The following ERCC6L2 variants were observed in gnomAD, a reference collection of about 807,000 sequenced individuals.
ERCC6L2 encodes DNA excision repair protein ERCC-6-like 2.
In ERCC6L2, 77 loss-of-function variants were observed where a neutral mutation model predicts 132.0. That is an observed-to-expected ratio of 0.58 (90% CI 0.49 to 0.71). The LOEUF (loss-of-function observed/expected upper bound fraction) is 0.71. Among genes scored for constraint, ERCC6L2 ranks in the 30% least tolerant of loss-of-function variants. The pLI is 0.00. For synonymous variants in ERCC6L2, 583 were observed against 632.4 expected (o/e 0.92, Z 1.17); for missense variants, 1,542 against 1,837.6 (o/e 0.84, Z 2.94).
downstream of ERCC6L2, chr9:96,021,210 C>T: frequency 2.9e-6 from 1 of 350,014 alleles, no homozygotes; most frequent in Non-Finnish European, 5.6e-6. The surrounding 1 kb of genome is among the most constrained non-coding windows in gnomAD (Gnocchi z 4.7). Flanking sequence ...GAAGGGCACC[C>T]GCGGCGGGGC....
intron 6 of ERCC6L2, among the ~76,000 whole-genome samples, chr9:95,919,350 TA>T (rs796365864): frequency 3.3e-5 from 5 of 152,168 alleles, no homozygotes; most frequent in African/African-American, 1.2e-4. Flanking sequence ...ATTTTACAAA[TA>T]AAAAAATGTC....
At chr9:95,973,711 T>C (rs1832537291) in intron 16 of ERCC6L2, among the ~76,000 whole-genome samples, 1 of 152,070 alleles carries the variant, frequency 6.6e-6, no homozygotes, top group Non-Finnish European at 1.5e-5. Flanking sequence ...CCATGACACA[T>C]GGGGATTGTG....
At chr9:95,978,848 G>C (rs1832779000) in intron 17 of ERCC6L2, among the ~76,000 whole-genome samples, 1 of 152,122 alleles carries the variant, frequency 6.6e-6, no homozygotes, top group Non-Finnish European at 1.5e-5. Context: ...ATGGGCAAGA[G>C]TTCAGAATGC....
intron 19 of ERCC6L2, among the ~76,000 whole-genome samples, chr9:96,036,568 T>C (rs1022215184): frequency 6.6e-6 from 1 of 151,976 alleles, no homozygotes; most frequent in Non-Finnish European, 1.5e-5. Flanking sequence ...GGAAGTCTAG[T>C]TTTCATTTCT....
intron 4 of ERCC6L2, among the ~76,000 whole-genome samples, chr9:95,907,661 T>C (rs1029106182): frequency 2.0e-5 from 3 of 152,140 alleles, no homozygotes; most frequent in Admixed American, 6.5e-5. Context: ...TTTCTTACAT[T>C]GAATACAGGA....
At chr9:95,917,578 C>T (rs1415890498) in intron 6 of ERCC6L2, among the ~76,000 whole-genome samples, 1 of 152,186 alleles carries the variant, frequency 6.6e-6, no homozygotes, top group Non-Finnish European at 1.5e-5. Context: ...TGAGATACTT[C>T]ATGAACTCTC....
chr9:95,955,802 T>C, intron 12 of ERCC6L2, 112 bp from the exon 13 acceptor site: 1 of 532,044 alleles, frequency 1.9e-6, no homozygotes, highest in South Asian at 3.0e-5. Flanking sequence ...AAAATGTTTA[T>C]TTTTAAATTA....
At position 95,937,872 on chromosome 9, in the gene ERCC6L2, A is replaced by G. The variant is rs557191595; in HGVS notation, c.1752-3582A>G. Among the ~76,000 whole-genome samples the G allele has an allele frequency of 2.0e-5, 3 of 148,716 alleles. No individual in the cohort carries two copies. In the South Asian group the frequency reaches 6.4e-4, roughly 32 times the overall value. ...GCTTGCTTTTTTTGCTTCTTTTTCT[A>G]GTTTCTTAGGGGGAGGACCTCAGAT... On this transcript the variant is annotated intron_variant, in intron 11 of 18. Transcript: ENST00000653738.
At chr9:95,962,075 C>G (rs1053533554) in intron 13 of ERCC6L2, among the ~76,000 whole-genome samples, 6 of 152,030 alleles carry the variant, frequency 3.9e-5, no homozygotes, top group Admixed American at 3.9e-4. Context: ...ACCGTATCAC[C>G]TACAAACCAA....
At position 95,973,306 on chromosome 9, in the gene ERCC6L2, A is replaced by T. The variant is rs1466012273; in HGVS notation, c.3337+218A>T. 2.0e-5 allele frequency among the ~76,000 whole-genome samples: 3 copies of T among 152,146 alleles called. No individual in the cohort carries two copies. In the East Asian group the frequency reaches 5.8e-4, roughly 29 times the overall value. On this transcript the variant is annotated intron_variant, in intron 16 of 18. Coordinates refer to ENST00000653738, the MANE Select transcript of ERCC6L2 (RefSeq NM_020207.7). ...ACCCCAGGACCCCCTCCATGTGCCCATCTAAATCACAGTTCCTCTGCCCCC... is the reference window on the plus strand; with the variant it reads ...ACCCCAGGACCCCCTCCATGTGCCCTTCTAAATCACAGTTCCTCTGCCCCC...
At chr9:95,881,743 T>A (rs1427617002) in intron 2 of ERCC6L2, among the ~76,000 whole-genome samples, 1 of 152,226 alleles carries the variant, frequency 6.6e-6, no homozygotes, top group Non-Finnish European at 1.5e-5. Flanking sequence ...TCACTAGCAG[T>A]TCTGTTTGTG....
At chr9:95,946,054 G>T (rs1246539428) in intron 12 of ERCC6L2, among the ~76,000 whole-genome samples, 4 of 151,976 alleles carry the variant, frequency 2.6e-5, no homozygotes, top group Non-Finnish European at 5.9e-5. Context: ...AGAATGGATG[G>T]CAATGCTAAT....
chr9:96,014,168 A>G lies in ERCC6L2; in HGVS notation c.*965A>G, dbSNP rs1269092738. The G allele has an allele frequency of 6.6e-6, 1 of 152,226 alleles. No individual in the cohort carries two copies. The highest frequency in any genetic ancestry group is 1.5e-5 in the Non-Finnish European group (1 of 68,050). The allele number at this position is 152,226 out of a possible 1,614,324, so 9.4% of individuals were successfully genotyped here. On this transcript the variant is annotated 3_prime_UTR_variant, in exon 19 of 19. Transcript: ENST00000653738. ...TCATGTCAGTGAAAAATCATGGTGG[A>G]AAGCCCCTGGCATCACATGTGCATG... is the stretch of plus-strand genomic sequence containing the variant.
At chr9:95,919,816 A>C (rs1417417097) in intron 6 of ERCC6L2, among the ~76,000 whole-genome samples, 2 of 152,260 alleles carry the variant, frequency 1.3e-5, no homozygotes, top group African/African-American at 4.8e-5. Context: ...AAGGGTTTCA[A>C]GAGACGGATC....
chr9:95,951,951 C>T (rs1477653684), intron 12 of ERCC6L2, among the ~76,000 whole-genome samples: 3 of 151,710 alleles, frequency 2.0e-5, no homozygotes, highest in Admixed American at 6.6e-5. Flanking sequence ...AGGCGGATCA[C>T]GAGTTCAGGA....
chr9:95,905,858 T>C (rs1006938979), intron 3 of ERCC6L2, among the ~76,000 whole-genome samples: 1 of 152,226 alleles, frequency 6.6e-6, no homozygotes. Context: ...GTATTATTTC[T>C]TGGTTAAACT....
intron 13 of ERCC6L2, among the ~76,000 whole-genome samples, chr9:95,957,629 A>G (rs981529862): frequency 1.3e-5 from 2 of 152,048 alleles, no homozygotes. Flanking sequence ...CATGCGACTC[A>G]TTTAATGAAA....
At chr9:95,925,099 C>T (rs1464808458) in intron 9 of ERCC6L2, among the ~76,000 whole-genome samples, 1 of 152,136 alleles carries the variant, frequency 6.6e-6, no homozygotes, top group African/African-American at 2.4e-5. Context: ...TTTAGCTTGT[C>T]TTGTCACAGG....
chr9:95,918,426 G>T (rs898579149), intron 6 of ERCC6L2: 1 of 406,642 alleles, frequency 2.5e-6, no homozygotes, highest in South Asian at 1.9e-5. Flanking sequence ...ACAAGAAAAC[G>T]AGAAGGGCCT....
Sources: gnomAD v4.1 joint callset for allele counts (sites outside exome capture counted in the v4.1 genomes callset) on GRCh38, gnomAD v4.1.1 for gene constraint, Gnocchi (gnomAD v3.1) non-coding constraint, MANE v1.5 for transcripts, NCBI Gene and HGNC (gene_info 2026-07-23, HGNC 2026-07-21) for gene names.